The following PSAT1 variants were observed in gnomAD, a reference collection of about 807,000 sequenced individuals.
PSAT1 encodes the protein phosphoserine aminotransferase 1, also known as phosphoserine aminotransferase.
A neutral mutation model predicts 40.3 loss-of-function variants in PSAT1; 41 were observed. The ratio of observed to expected loss-of-function variants is 1.02; its 90% CI spans 0.79 to 1.32. The LOEUF is 1.32. PSAT1 is among the 40% of genes most tolerant of loss of function. The pLI is 0.00. For missense variants in PSAT1, 406 were observed against 455.8 expected (o/e 0.89, Z 0.99); for synonymous variants, 147 against 170.5 (o/e 0.86, Z 1.07).
At chr9:78,320,577 G>A (rs1460451774) in intron 7 of PSAT1, among the ~76,000 whole-genome samples, 6 of 110,242 alleles carry the variant, frequency 5.4e-5, no homozygotes, top group Admixed American at 9.6e-5. Flanking sequence ...CCACCTATCC[G>A]CCCATCTATC....
chr9:78,313,555 A>G (rs1453151156), intron 6 of PSAT1, among the ~76,000 whole-genome samples: 2 of 152,180 alleles, frequency 1.3e-5, no homozygotes, highest in African/African-American at 4.8e-5. Context: ...TACCATACAA[A>G]TTGTTCTGTG....
chr9:78,302,733 C>CAAAAAAA (rs373285782), intron 3 of PSAT1, among the ~76,000 whole-genome samples: 3 of 104,220 alleles, frequency 2.9e-5, no homozygotes, highest in African/African-American at 4.0e-5. Context: ...GACTCCGTCT[C>CAAAAAAA]AAAAAAAAAA....
At chr9:78,321,559 CT>C (rs1299790467) in intron 7 of PSAT1, among the ~76,000 whole-genome samples, 1 of 152,178 alleles carries the variant, frequency 6.6e-6, no homozygotes, top group Non-Finnish European at 1.5e-5. Flanking sequence ...TCCATGCCCC[CT>C]GACTCGTAAA....
In PSAT1 at chr9:78,297,188, C is replaced by T. The variant is rs1440614981; in HGVS notation, c.-23C>T. The T allele has an allele frequency of 1.3e-6, 2 of 1,592,158 alleles. No homozygotes were observed. The highest frequency in any genetic ancestry group is 1.7e-6 in the Non-Finnish European group (2 of 1,173,684). ...CACGCGTTCGGTCCTCCTTGGCTGA[C>T]TCACCGCCCTGGCCGCCGCACCATG... On this transcript the variant is annotated 5_prime_UTR_variant, in exon 1 of 9. Transcript: ENST00000376588.
chr9:78,311,627 A>G (rs191907861), intron 6 of PSAT1, among the ~76,000 whole-genome samples: 2 of 152,128 alleles, frequency 1.3e-5, no homozygotes, highest in Admixed American at 1.3e-4. Flanking sequence ...AGGTCAGGAA[A>G]TCGAGACCAG....
chr9:78,304,640 T>C, intron 3 of PSAT1, 95 bp from the exon 4 acceptor site: 1 of 1,166,068 alleles, frequency 8.6e-7, no homozygotes. Context: ...TTGTAGTAAA[T>C]CCACCCAAGT....
intron 6 of PSAT1, among the ~76,000 whole-genome samples, chr9:78,312,685 A>G (rs529559644): frequency 6.6e-6 from 1 of 152,212 alleles, no homozygotes; most frequent in Admixed American, 6.5e-5. Context: ...AATAAGAGCA[A>G]AACTCCATCT....
In PSAT1 at chr9:78,297,236, ACTT is replaced by A. The variant is rs1828039079; in HGVS notation, c.27_29del (p.Phe10del). The stretch of plus-strand genomic sequence containing the variant: ...ATGGACGCCCCCAGGCAGGTGGTCA[ACTT>A]TGGGCCTGGTCCCGCCAAGCTGCCG... On this transcript the variant is annotated inframe_deletion, in exon 1 of 9. Transcript: ENST00000376588. 1 of 1,602,386 alleles carries A rather than the reference ACTT, an allele frequency of 6.2e-7. No homozygotes were observed. The highest frequency in any genetic ancestry group is 8.5e-7 in the Non-Finnish European group (1 of 1,178,544).
chr9:78,316,147 T>A (rs1402353533), intron 6 of PSAT1, among the ~76,000 whole-genome samples: 2 of 152,206 alleles, frequency 1.3e-5, no homozygotes, highest in Non-Finnish European at 2.9e-5. Context: ...CCTCAGTGTT[T>A]CATATTTTCA....
At chr9:78,313,571 T>A (rs150828950) in intron 6 of PSAT1, among the ~76,000 whole-genome samples, 1 of 152,256 alleles carries the variant, frequency 6.6e-6, no homozygotes, top group Non-Finnish European at 1.5e-5. Context: ...CTGTGAATTC[T>A]ATTTTTCCAC....
intron 6 of PSAT1, among the ~76,000 whole-genome samples, chr9:78,315,368 C>T (rs1220519608): frequency 1.3e-5 from 2 of 152,180 alleles, no homozygotes; most frequent in East Asian, 1.9e-4. Context: ...AATGGGATGA[C>T]GGTGGCTCTA....
chr9:78,326,951 A>ATTT (rs1462087681), intron 7 of PSAT1, among the ~76,000 whole-genome samples: 1 of 84,490 alleles, frequency 1.2e-5, no homozygotes, highest in African/African-American at 8.0e-5. Flanking sequence ...ATATATATAT[A>ATTT]TATATTTTTT....
At chr9:78,317,838 C>G (rs1330949264) in intron 7 of PSAT1, 34 bp downstream of exon 7, 2 of 1,605,962 alleles carry the variant, frequency 1.2e-6, no homozygotes, top group Non-Finnish European at 1.7e-6. Flanking sequence ...TATTTTGCCT[C>G]TTGTGAATTT....
In PSAT1 at chr9:78,326,955, A is replaced by ATATATATATATTTT; in HGVS notation, c.870-1095_870-1094insATATATATATTTTT. ...CAGCAATATATATATATATATATAT[A>ATATATATATATTTT]TTTTTTTTTTTTTTTTTTGAGACAG... On this transcript the variant is annotated intron_variant, in intron 7 of 8. Transcript: ENST00000376588. Among the ~76,000 whole-genome samples, 7 of 75,934 alleles carry ATATATATATATTTT rather than the reference A, an allele frequency of 9.2e-5. No individual in the cohort carries two copies. The Admixed American group carries it at 1.1e-3, about 12-fold the overall frequency. 49.8% of individuals were successfully genotyped at this position (75,934 alleles called of 152,430 possible).
intron 3 of PSAT1, among the ~76,000 whole-genome samples, chr9:78,304,337 T>C (rs1017058673): frequency 1.3e-5 from 2 of 152,210 alleles, no homozygotes; most frequent in African/African-American, 4.8e-5. Context: ...TTTCCTTACC[T>C]AGAAGTTTGA....
At position 78,327,502 on chromosome 9, in the gene PSAT1, C is replaced by T. The variant is rs368689098; in HGVS notation, c.870-549C>T. Among the ~76,000 whole-genome samples the T allele has an allele frequency of 2.8e-4, 43 of 152,244 alleles. No individual in the cohort carries two copies. The South Asian group carries it at 8.5e-3, about 30-fold the overall frequency. ...AACTTGAGGTGGTTGAGGTAGGTTC[C>T]TCTATTATTCCCACTGTTCAGATGA... On this transcript the variant is annotated intron_variant, in intron 7 of 8. Transcript: ENST00000376588.
At chr9:78,327,943 A>G (rs1023312029) in intron 7 of PSAT1, 108 bp from the exon 8 acceptor site, 123 of 1,228,298 alleles carry the variant, frequency 1.0e-4, no homozygotes, top group Non-Finnish European at 1.9e-5. Flanking sequence ...TTTTTAAAAA[A>G]TCTTCTGCTT....
At chr9:78,307,032 A>G (rs994649694) in intron 5 of PSAT1, among the ~76,000 whole-genome samples, 1 of 152,222 alleles carries the variant, frequency 6.6e-6, no homozygotes, top group Admixed American at 6.5e-5. Flanking sequence ...ATAAAATATA[A>G]CAAATTTTAC....
intron 7 of PSAT1, among the ~76,000 whole-genome samples, chr9:78,326,790 G>A (rs1204480395): frequency 6.6e-6 from 1 of 151,252 alleles, no homozygotes; most frequent in Non-Finnish European, 1.5e-5. Context: ...GTCTTGGGAT[G>A]CCTCATTCTA....
Sources: allele counts gnomAD v4.1 joint callset (sites outside exome capture counted in the v4.1 genomes callset), GRCh38; gene constraint gnomAD v4.1.1; transcripts MANE v1.5; gene names NCBI Gene and HGNC (gene_info 2026-07-23, HGNC 2026-07-21).